Variants in FER1L6 observed in about 807,000 individuals in gnomAD.
FER1L6 encodes the protein fer-1-like protein 6.
A neutral mutation model predicts 219.2 loss-of-function variants in FER1L6; 177 were observed. That is an observed-to-expected ratio of 0.81 (90% CI 0.71 to 0.91). The LOEUF (loss-of-function observed/expected upper bound fraction) is 0.91. Among genes scored for constraint, FER1L6 ranks in the 40% least tolerant of loss-of-function variants. FER1L6 has a pLI of 0.00. For missense variants in FER1L6, 2,153 were observed against 2,259.9 expected, an observed-to-expected ratio of 0.95 and a Z score of 0.96; for synonymous variants, 768 against 824.3, an observed-to-expected ratio of 0.93 and a Z score of 1.17.
At chr8:123,872,575 T>C (rs1172397554) in intron 1 of FER1L6, among the ~76,000 whole-genome samples, 3 of 152,230 alleles carry the variant, frequency 2.0e-5, no homozygotes, top group African/African-American at 7.2e-5. Context: ...ATACCAATAT[T>C]GGTTCATTAA....
chr8:123,912,456 G>T lies in FER1L6; in HGVS notation c.-7-43536G>T, dbSNP rs187444752. Among the ~76,000 whole-genome samples the T allele has an allele frequency of 1.6e-3, 250 of 152,164 alleles. 2 individuals are homozygous for T. The highest frequency in any genetic ancestry group is 5.4e-4 in the Non-Finnish European group (37 of 67,996). Reference sequence around the variant, plus strand: ...TGGTTAGAAAATAAGAACAGTCTTTGCCCTCAGGAATTTTATAGCCTAACA... The same window carrying T: ...TGGTTAGAAAATAAGAACAGTCTTTTCCCTCAGGAATTTTATAGCCTAACA... On this transcript the variant is annotated intron_variant, in intron 1 of 40. Transcript: ENST00000522917.
In FER1L6 at chr8:124,049,663, C is replaced by T. The variant is rs200791540; in HGVS notation, c.2781C>T (p.Asp927=). 285 of 1,614,022 alleles carry T rather than the reference C, an allele frequency of 1.8e-4. 1 individual carries two copies. The highest frequency in any genetic ancestry group is 7.6e-4 in the South Asian group (69 of 91,074). The change falls in exon 22 of 41, where the codon GAC becomes GAT. Residue 927 remains aspartate (D), a synonymous_variant. Coordinates refer to ENST00000522917, the MANE Select transcript of FER1L6 (RefSeq NM_001039112.2). ...TVAAPVVKLA[D]QDYEPPRLCY... ...CTGCTCCTGTTGTGAAGCTGGCTGA[C>T]CAGGACTATGAGCCCCCCAGGTTAT...
At chr8:124,082,523 A>G (rs1821603298) in intron 33 of FER1L6, 65 bp downstream of exon 33, 1 of 1,449,774 alleles carries the variant, frequency 6.9e-7, no homozygotes, top group Non-Finnish European at 9.5e-7. Context: ...AGGGCTCCAG[A>G]CTCTGCATCC....
At chr8:124,076,689 G>A (rs755310825) in intron 32 of FER1L6, among the ~76,000 whole-genome samples, 2 of 152,034 alleles carry the variant, frequency 1.3e-5, no homozygotes, top group Admixed American at 6.5e-5. Context: ...CATTGGATTC[G>A]GCCTTGTGCT....
rs1198832400 is a variant in FER1L6, at chr8:123,852,416, A to G, written c.-8+231A>G. On this transcript the variant is annotated intron_variant, in intron 1 of 40. Coordinates refer to ENST00000522917, the MANE Select transcript of FER1L6 (RefSeq NM_001039112.2). The surrounding 1 kb of genome is among the most constrained non-coding windows in gnomAD (Gnocchi z 4.9). ...TCTGCTGTTGGCAGATTGGGTACTC[A>G]GTGGTCGCTGTAGCCAGGTTGACCT... 6.6e-6 allele frequency among the ~76,000 whole-genome samples: 1 copy of G among 151,206 alleles called. No homozygotes were observed. Among genetic ancestry groups the G allele is most frequent in the East Asian group, 2.0e-4 (1 of 5,118 alleles).
intron 9 of FER1L6, among the ~76,000 whole-genome samples, 187 bp downstream of exon 9, chr8:123,976,271 G>A (rs771188729): frequency 1.3e-5 from 2 of 152,188 alleles, no homozygotes; most frequent in African/African-American, 4.8e-5. Context: ...GCAGGCTGAG[G>A]TGGTGAATCA....
At chr8:123,867,231 T>G (rs1816851977) in intron 1 of FER1L6, among the ~76,000 whole-genome samples, 1 of 152,222 alleles carries the variant, frequency 6.6e-6, no homozygotes, top group South Asian at 2.1e-4. Flanking sequence ...CATTTTGAAT[T>G]GATCTTTGTA....
chr8:124,059,476 T>C (rs1402915852), intron 22 of FER1L6, among the ~76,000 whole-genome samples: 2 of 152,210 alleles, frequency 1.3e-5, no homozygotes, highest in Non-Finnish European at 2.9e-5. Context: ...GAAAGATGTA[T>C]GTGTCGAACC....
At chr8:123,895,684 G>A (rs1812730977) in intron 1 of FER1L6, among the ~76,000 whole-genome samples, 1 of 152,166 alleles carries the variant, frequency 6.6e-6, no homozygotes, top group African/African-American at 2.4e-5. Context: ...CTAAAGTAGG[G>A]AGTCCAGTGG....
At position 123,980,450 on chromosome 8, in the gene FER1L6, C is replaced by G. The variant is rs2130332319; in HGVS notation, c.1064-15C>G. On this transcript the variant is annotated splice_polypyrimidine_tract_variant and intron_variant, in intron 10 of 40. Transcript: ENST00000522917. The stretch of plus-strand genomic sequence containing the variant: ...AAAAACATAATGAGATAACTAAAAC[C>G]TGGGGTCTCTCTAGGCTTTCTGCCC... 6.4e-7 allele frequency: 1 copy of G among 1,566,966 alleles called. No individual in the cohort carries two copies. The highest frequency in any genetic ancestry group is 8.6e-7 in the Non-Finnish European group (1 of 1,158,024).
chr8:124,045,481 G>A (rs1055450197), intron 20 of FER1L6, among the ~76,000 whole-genome samples: 5 of 152,240 alleles, frequency 3.3e-5, no homozygotes, highest in Admixed American at 2.6e-4. Context: ...ACTACTGTGA[G>A]GACTGAGCTG....
chr8:123,929,452 T>C (rs1358554605), intron 1 of FER1L6, among the ~76,000 whole-genome samples: 1 of 152,212 alleles, frequency 6.6e-6, no homozygotes, highest in African/African-American at 2.4e-5. Flanking sequence ...TCCAGAATCC[T>C]ATTTTCTTTC....
Position 123,852,469 on chromosome 8 carries a change from T to A in FER1L6, c.-8+284T>A, listed in dbSNP as rs949159353. On this transcript the variant is annotated intron_variant, in intron 1 of 40. Transcript: ENST00000522917. The surrounding 1 kb of genome is among the most constrained non-coding windows in gnomAD (Gnocchi z 4.9). ...TTGCTTGAACTCCATGTTGTGAGCA[T>A]GCGTGTGTGTGTGTGTGTGTGTGTG... 9.3e-6 allele frequency among the ~76,000 whole-genome samples: 1 copy of A among 107,208 alleles called. No homozygotes were observed. Among genetic ancestry groups the A allele is most frequent in the Non-Finnish European group, 1.9e-5 (1 of 53,060 alleles). 70.3% of individuals were successfully genotyped at this position (107,208 alleles called of 152,430 possible). A position where few individuals can be genotyped will look rare whatever the true frequency, so the allele number is the denominator to read the frequency against.
chr8:124,010,957 A>G (rs536415159), intron 14 of FER1L6, among the ~76,000 whole-genome samples: 1 of 152,296 alleles, frequency 6.6e-6, no homozygotes, highest in Admixed American at 6.5e-5. Context: ...TCTGGCTGTT[A>G]TAGGATCTAG....
At chr8:124,014,737 G>T (rs1818101932) in intron 15 of FER1L6, among the ~76,000 whole-genome samples, 1 of 152,000 alleles carries the variant, frequency 6.6e-6, no homozygotes, top group Non-Finnish European at 1.5e-5. Flanking sequence ...ATTCTAGAGG[G>T]CAGACAATAT....
chr8:124,019,605 C>A (rs949150663), intron 16 of FER1L6, among the ~76,000 whole-genome samples: 1 of 152,182 alleles, frequency 6.6e-6, no homozygotes, highest in Admixed American at 6.5e-5. Context: ...GAACGTAGTG[C>A]TTGTCCTTGA....
chr8:123,936,462 GTTTTTTT>G (rs779012175), intron 1 of FER1L6, among the ~76,000 whole-genome samples: 19 of 97,928 alleles, frequency 1.9e-4, no homozygotes, highest in African/African-American at 5.5e-4. Flanking sequence ...ATTGCAGCCT[GTTTTTTT>G]TTTTTTTTTT....
intron 27 of FER1L6, 76 bp from the exon 28 acceptor site, chr8:124,067,691 G>A: frequency 1.6e-6 from 2 of 1,272,432 alleles, no homozygotes; most frequent in Non-Finnish European, 2.3e-6. Flanking sequence ...GGAATGCAGA[G>A]GGCTGAGATA....
At chr8:124,108,793 C>G (rs1181393388) in intron 39 of FER1L6, among the ~76,000 whole-genome samples, 1 of 151,742 alleles carries the variant, frequency 6.6e-6, no homozygotes, top group African/African-American at 2.4e-5. Context: ...AAATAGGATC[C>G]CTTGAGCCCA....
Sources: gnomAD v4.1 joint callset for allele counts (sites outside exome capture counted in the v4.1 genomes callset) on GRCh38, gnomAD v4.1.1 for gene constraint, Gnocchi (gnomAD v3.1) non-coding constraint, MANE v1.5 for transcripts, NCBI Gene and HGNC (gene_info 2026-07-23, HGNC 2026-07-21) for gene names.